The following CCDC7 variants were observed in gnomAD, a reference collection of about 807,000 sequenced individuals.
The protein encoded by CCDC7 is coiled-coil domain containing 7, also known as coiled-coil domain-containing protein 7.
CCDC7 carries 183 observed loss-of-function variants against 196.9 expected under a neutral mutation model. The ratio of observed to expected loss-of-function variants is 0.93; its 90% CI spans 0.82 to 1.05. The LOEUF is 1.05. CCDC7 is among the 50% of genes least tolerant of loss of function. CCDC7 has a pLI of 0.00. For synonymous variants in CCDC7, 525 were observed against 484.6 expected, an observed-to-expected ratio of 1.08 and a Z score of -1.10; for missense variants, 1,540 against 1,482.2, an observed-to-expected ratio of 1.04 and a Z score of -0.64.
chr10:32,586,290 A>G (rs1172238181), intron 18 of CCDC7, among the ~76,000 whole-genome samples: 1 of 152,040 alleles, frequency 6.6e-6, no homozygotes, highest in East Asian at 1.9e-4. Context: ...TGTCAGATGG[A>G]TAGATTGCAA....
At chr10:32,507,616 A>T (rs1448004884) in intron 9 of CCDC7, among the ~76,000 whole-genome samples, 1 of 151,904 alleles carries the variant, frequency 6.6e-6, no homozygotes, top group Non-Finnish European at 1.5e-5. Flanking sequence ...ATGCCTGGCT[A>T]ATTTTTGTAT....
chr10:32,673,452 T>C (rs118022213), intron 21 of CCDC7, among the ~76,000 whole-genome samples: 5,198 of 152,206 alleles, frequency 0.034, 102 homozygotes, highest in Non-Finnish European at 0.05. Context: ...CAATATATTA[T>C]CGTTTTCAGT....
chr10:32,678,683 G>T (rs2075396051), intron 21 of CCDC7, among the ~76,000 whole-genome samples: 1 of 152,116 alleles, frequency 6.6e-6, no homozygotes. Context: ...TAACAGGCTG[G>T]GAAAAGTCCA....
At chr10:32,626,058 G>A (rs530285940) in intron 18 of CCDC7, among the ~76,000 whole-genome samples, 30 of 151,978 alleles carry the variant, frequency 2.0e-4, no homozygotes, top group Non-Finnish European at 4.1e-4. Context: ...TTTGACAAAC[G>A]GGTTTTAAAC....
chr10:32,574,493 C>A, intron 16 of CCDC7: 1 of 1,557,948 alleles, frequency 6.4e-7, no homozygotes, highest in South Asian at 1.2e-5. Flanking sequence ...TGGATGGGAG[C>A]GAAGTAAGGA....
intron 10 of CCDC7, among the ~76,000 whole-genome samples, 187 bp from the exon 12 acceptor site, chr10:32,518,229 C>T (rs973057055): frequency 6.6e-6 from 1 of 152,088 alleles, no homozygotes; most frequent in Non-Finnish European, 1.5e-5. Context: ...TAGTTCCAGT[C>T]CTTGACACGT....
intron 29 of CCDC7, among the ~76,000 whole-genome samples, chr10:32,788,643 C>T (rs61856577): frequency 2.0e-5 from 3 of 152,130 alleles, no homozygotes; most frequent in Non-Finnish European, 2.9e-5. Flanking sequence ...CACCCTAGTG[C>T]CAGGTCAGCA....
chr10:32,568,829 C>T lies in CCDC7; in HGVS notation c.1419+938C>T, dbSNP rs569515599. ...CAAAGGTTTAAAAAATTAGCCATGC[C>T]GCATTACAGTGAGTAATATTGAGTT... On this transcript the variant is annotated intron_variant, in intron 15 of 41. Transcript: ENST00000639629. 6.6e-5 allele frequency among the ~76,000 whole-genome samples: 10 copies of T among 152,288 alleles called. No homozygotes were observed. The South Asian group carries it at 1.2e-3, about 19-fold the overall frequency.
chr10:32,859,009 T>G (rs1402213962), intron 41 of CCDC7, among the ~76,000 whole-genome samples: 1 of 152,040 alleles, frequency 6.6e-6, no homozygotes, highest in Non-Finnish European at 1.5e-5. Context: ...GACAGATCAA[T>G]AAGACAGAAA....
chr10:32,779,012 G>A, exon 29 of CCDC7: 3 of 1,550,154 alleles, frequency 1.9e-6, no homozygotes, highest in Non-Finnish European at 2.6e-6. Context: ...TCCAGATACA[G>A]CAGAAAATCT....
intron 18 of CCDC7, among the ~76,000 whole-genome samples, chr10:32,614,990 A>G (rs2062617552): frequency 6.6e-6 from 1 of 152,164 alleles, no homozygotes; most frequent in Non-Finnish European, 1.5e-5. Flanking sequence ...TTATGGCTAA[A>G]TAGTATTCCA....
At chr10:32,795,186 T>G (rs1382260584) in intron 29 of CCDC7, among the ~76,000 whole-genome samples, 3 of 152,234 alleles carry the variant, frequency 2.0e-5, no homozygotes, top group Non-Finnish European at 4.4e-5. Context: ...CTCAGTTTCC[T>G]CTTGAACAGT....
intron 41 of CCDC7, among the ~76,000 whole-genome samples, chr10:32,859,634 CTT>C (rs963377437): frequency 6.6e-6 from 1 of 151,930 alleles, no homozygotes; most frequent in Non-Finnish European, 1.5e-5. Flanking sequence ...AGTTGGTTTT[CTT>C]GAAAAGATCA....
chr10:32,597,751 G>A lies in CCDC7; in HGVS notation c.1801+13447G>A, dbSNP rs141280844. Among the ~76,000 whole-genome samples, 6 of 152,202 alleles carry A rather than the reference G, an allele frequency of 3.9e-5. No homozygotes were observed. In the East Asian group the frequency reaches 5.8e-4, roughly 15 times the overall value. On this transcript the variant is annotated intron_variant, in intron 18 of 41. Transcript: ENST00000639629. ...AGTTTTCCTTCTAACAGTCAGGACC[G>A]TCAGCTGCCGGTCTCTTGGGGTGTG...
chr10:32,552,188 AGTTT>A (rs2053585375), intron 13 of CCDC7, among the ~76,000 whole-genome samples: 1 of 152,194 alleles, frequency 6.6e-6, no homozygotes. Context: ...GTTGCTTTAA[AGTTT>A]GTTTGTCTGA....
intron 18 of CCDC7, among the ~76,000 whole-genome samples, chr10:32,624,235 C>G (rs2063724052): frequency 6.6e-6 from 1 of 152,128 alleles, no homozygotes; most frequent in South Asian, 2.1e-4. Flanking sequence ...TTGCCCTGGA[C>G]TATTACAATA....
intron 29 of CCDC7, among the ~76,000 whole-genome samples, chr10:32,780,924 C>A (rs2080960493): frequency 6.6e-6 from 1 of 151,988 alleles, no homozygotes; most frequent in South Asian, 2.1e-4. Flanking sequence ...AAAACTTTAG[C>A]TAGATTGACT....
At chr10:32,680,623 T>C (rs1056785850) in intron 21 of CCDC7, among the ~76,000 whole-genome samples, 1 of 147,140 alleles carries the variant, frequency 6.8e-6, no homozygotes, top group Non-Finnish European at 1.5e-5. Flanking sequence ...GGGACACACA[T>C]ATTTTCTTAT....
intron 8 of CCDC7, among the ~76,000 whole-genome samples, chr10:32,481,017 T>C (rs191187836): frequency 6.6e-6 from 1 of 152,318 alleles, no homozygotes; most frequent in East Asian, 1.9e-4. Context: ...GTTTTATATA[T>C]TTAGGTGTTG....
Sources: gnomAD v4.1 joint callset for allele counts (sites outside exome capture counted in the v4.1 genomes callset) on GRCh38, gnomAD v4.1.1 for gene constraint, MANE v1.5 for transcripts, NCBI Gene and HGNC (gene_info 2026-07-23, HGNC 2026-07-21) for gene names.